SV2B: variants seen among roughly 807,000 people sequenced by gnomAD.
The protein encoded by SV2B is synaptic vesicle glycoprotein 2B.
In SV2B, 41 loss-of-function variants were observed where a neutral mutation model predicts 73.9. That is an observed-to-expected ratio of 0.56 (90% CI 0.43 to 0.72). SV2B has a LOEUF of 0.72. SV2B is among the 30% of genes least tolerant of loss of function. The pLI, the probability that SV2B is intolerant of heterozygous loss-of-function variation, is 0.00. For missense variants in SV2B, 764 were observed against 857.8 expected (o/e 0.89, Z 1.37); for synonymous variants, 314 against 314.2 (o/e 1.00, Z 0.01).
intron 1 of SV2B, among the ~76,000 whole-genome samples, chr15:91,202,930 T>TACC (rs1474651520): frequency 1.3e-5 from 2 of 152,124 alleles, no homozygotes; most frequent in Non-Finnish European, 2.9e-5. Flanking sequence ...AAGGACTGAC[T>TACC]ACCACTCACA....
Position 91,268,416 on chromosome 15 carries a change from C to T in SV2B, c.1209-25C>T. 1 of 1,597,626 alleles carries T rather than the reference C, an allele frequency of 6.3e-7. No individual in the cohort carries two copies. The highest frequency in any genetic ancestry group is 1.1e-5 in the South Asian group (1 of 89,574). ...GAAAGAATGAATCCTGTTGTTGTTG[C>T]AACCTTCTGCCTTCTCCACTCCAGT... is the stretch of plus-strand genomic sequence containing the variant. On this transcript the variant is annotated intron_variant, in intron 8 of 12. Coordinates refer to ENST00000394232, the MANE Select transcript of SV2B (RefSeq NM_001323032.3). The surrounding 1 kb of genome is among the most constrained non-coding windows in gnomAD (Gnocchi z 4.4).
rs534240734 is a variant in SV2B at position 91,148,169 on chromosome 15, C to T, written c.-392+47806C>T. 1.4e-4 allele frequency among the ~76,000 whole-genome samples: 21 copies of T among 151,460 alleles called. No homozygotes were observed. In the South Asian group the frequency reaches 4.0e-3, roughly 29 times the overall value. On this transcript the variant is annotated intron_variant, in intron 1 of 12. Coordinates refer to ENST00000394232, the MANE Select transcript of SV2B (RefSeq NM_001323032.3). Reference sequence around the variant, plus strand: ...CTAATTTTTGTATTTTTAGTAGAGACGGGGTTTCACCATGTTGGTCAGGCT... The same window carrying T: ...CTAATTTTTGTATTTTTAGTAGAGATGGGGTTTCACCATGTTGGTCAGGCT...
At chr15:91,216,524 G>C (rs925698409) in intron 1 of SV2B, among the ~76,000 whole-genome samples, 2 of 151,190 alleles carry the variant, frequency 1.3e-5, no homozygotes, top group Non-Finnish European at 2.9e-5. Flanking sequence ...CCAGGCTGGA[G>C]TGCAATGGTG....
Position 91,267,423 on chromosome 15 carries a change from G to A in SV2B, c.1120-132G>A, listed in dbSNP as rs2048143593. On this transcript the variant is annotated intron_variant, in intron 7 of 12. Transcript: ENST00000394232. The surrounding 1 kb of genome is among the most constrained non-coding windows in gnomAD (Gnocchi z 4.3). ...TTGGACAGTTTTGCTGCCTCTAGGA[G>A]ACAGTGGGGTACCGGTTCTCTCCAT... 1.4e-6 allele frequency: 1 copy of A among 725,076 alleles called. No homozygotes were observed. 44.9% of individuals were successfully genotyped at this position (725,076 alleles called of 1,614,324 possible). A position where few individuals can be genotyped will look rare whatever the true frequency, so the allele number is the denominator to read the frequency against.
chr15:91,188,716 A>T (rs111735608), intron 1 of SV2B, among the ~76,000 whole-genome samples: 1 of 152,124 alleles, frequency 6.6e-6, no homozygotes, highest in Non-Finnish European at 1.5e-5. Flanking sequence ...TCTTATTTTT[A>T]TGCCCCATCA....
intron 1 of SV2B, among the ~76,000 whole-genome samples, chr15:91,148,059 C>A (rs559003758): frequency 8.1e-5 from 11 of 135,664 alleles, no homozygotes; most frequent in Non-Finnish European, 1.4e-4. Flanking sequence ...CGGCTCACTG[C>A]AACTTCCGCC....
In SV2B at chr15:91,105,998, C is replaced by G. The variant is rs185984233; in HGVS notation, c.-392+5635C>G. On this transcript the variant is annotated intron_variant, in intron 1 of 12. Coordinates refer to ENST00000394232, the MANE Select transcript of SV2B (RefSeq NM_001323032.3). This position sits in a 1 kb window ranked among gnomAD's most constrained non-coding sequence, Gnocchi z 5.5. ...TGGGGAGGTCGAGGCTGCAGTGAGT[C>G]ACGATAATGCCATTGTACTCCAGCC... Among the ~76,000 whole-genome samples, 5 of 152,102 alleles carry G rather than the reference C, an allele frequency of 3.3e-5. No individual in the cohort carries two copies. Among genetic ancestry groups the G allele is most frequent in the Non-Finnish European group, 5.9e-5 (4 of 68,000 alleles).
chr15:91,293,042 A>G lies in SV2B; in HGVS notation c.*490A>G, dbSNP rs1254325306. 6.6e-6 allele frequency: 1 copy of G among 152,646 alleles called. No individual in the cohort carries two copies. The highest frequency in any genetic ancestry group is 6.5e-5 in the Admixed American group (1 of 15,314). The allele number at this position is 152,646 out of a possible 1,614,324, so 9.5% of individuals were successfully genotyped here. On this transcript the variant is annotated 3_prime_UTR_variant, in exon 13 of 13. Coordinates refer to ENST00000394232, the MANE Select transcript of SV2B (RefSeq NM_001323032.3). ...ATTTTTGCATTTAAAAGTATCACCTATCATATTTTCCACTCGAAAATTGAC... is the reference window on the plus strand; with the variant it reads ...ATTTTTGCATTTAAAAGTATCACCTGTCATATTTTCCACTCGAAAATTGAC...
chr15:91,177,914 A>C, intron 1 of SV2B, among the ~76,000 whole-genome samples: 10 of 141,674 alleles, frequency 7.1e-5, no homozygotes, highest in South Asian at 2.2e-4. Flanking sequence ...CCCTGGCCAG[A>C]ACTTCCAACA....
chr15:91,116,136 C>T (rs1567264192), intron 1 of SV2B, among the ~76,000 whole-genome samples: 1 of 152,150 alleles, frequency 6.6e-6, no homozygotes, highest in Admixed American at 6.5e-5. Context: ...TTATGAAGAA[C>T]ATTTTGCTAA....
chr15:91,271,477 T>C (rs1367935152), intron 9 of SV2B, among the ~76,000 whole-genome samples: 1 of 152,212 alleles, frequency 6.6e-6, no homozygotes, highest in African/African-American at 2.4e-5. Context: ...CATGTTTCTA[T>C]GCTTCAAATG....
intron 1 of SV2B, among the ~76,000 whole-genome samples, chr15:91,199,220 T>C (rs2045373206): frequency 6.6e-6 from 1 of 152,082 alleles, no homozygotes; most frequent in Non-Finnish European, 1.5e-5. Flanking sequence ...CAATAAGTCT[T>C]AGGGGAAGAA....
chr15:91,118,732 A>G lies in SV2B; in HGVS notation c.-392+18369A>G, dbSNP rs889026036. Among the ~76,000 whole-genome samples the G allele has an allele frequency of 9.9e-5, 15 of 152,154 alleles. No individual in the cohort carries two copies. Among genetic ancestry groups the G allele is most frequent in the Non-Finnish European group, 1.9e-4 (13 of 68,012 alleles). ...CACCACATCAGACAGCCCAGTCCAA[A>G]CCAGAGCCATGCCAGGGAGGGACAT... On this transcript the variant is annotated intron_variant, in intron 1 of 12. Coordinates refer to ENST00000394232, the MANE Select transcript of SV2B (RefSeq NM_001323032.3). This position sits in a 1 kb window ranked among gnomAD's most constrained non-coding sequence, Gnocchi z 4.7.
rs147982678 is a variant in SV2B, at chr15:91,244,441, G to A, written c.452-7378G>A. Among the ~76,000 whole-genome samples, 6 of 152,244 alleles carry A rather than the reference G, an allele frequency of 3.9e-5. No homozygotes were observed. In the East Asian group the frequency reaches 9.7e-4, roughly 25 times the overall value. ...GGACCCATAAAAGACTAGAAAAGTC[G>A]AACATGGTGATTCTAGATTGGTTTC... is the stretch of plus-strand genomic sequence containing the variant. On this transcript the variant is annotated intron_variant, in intron 2 of 12. Coordinates refer to ENST00000394232, the MANE Select transcript of SV2B (RefSeq NM_001323032.3).
At chr15:91,172,134 G>A (rs2044142810) in intron 1 of SV2B, among the ~76,000 whole-genome samples, 2 of 152,184 alleles carry the variant, frequency 1.3e-5, no homozygotes, top group South Asian at 4.1e-4. Context: ...CAGTAGAGGA[G>A]AAAAGCCTGA....
chr15:91,284,200 A>G lies in SV2B; in HGVS notation c.1687A>G (p.Ile563Val). Residue 563 changes from isoleucine to valine, a missense_variant, in exon 11 of 13, where the codon ATT (isoleucine) becomes GTT (valine). Transcript: ENST00000394232. This position sits in a 1 kb window ranked among gnomAD's most constrained non-coding sequence, Gnocchi z 4.5. The part of the protein sequence containing the change: ...NIISALLMDR[I>V]GRLKMIGGSM... ...CATTTCTGCCCTGCTCATGGATAGAATTGGAAGGCTCAAGATGATTGGTGA... is the reference window on the plus strand; with the variant it reads ...CATTTCTGCCCTGCTCATGGATAGAGTTGGAAGGCTCAAGATGATTGGTGA... 1 of 1,614,190 alleles carries G rather than the reference A, an allele frequency of 6.2e-7. No individual in the cohort carries two copies. The highest frequency in any genetic ancestry group is 1.1e-5 in the South Asian group (1 of 91,070).
At chr15:91,287,688 C>T (rs1479659685) in intron 11 of SV2B, among the ~76,000 whole-genome samples, 1 of 152,202 alleles carries the variant, frequency 6.6e-6, no homozygotes, top group African/African-American at 2.4e-5. Flanking sequence ...CGAGGCTAAC[C>T]TCATGGACTG....
At chr15:91,111,383 C>T (rs1474979049) in intron 1 of SV2B, among the ~76,000 whole-genome samples, 1 of 152,220 alleles carries the variant, frequency 6.6e-6, no homozygotes, top group East Asian at 1.9e-4. Context: ...GCCCCAGAGC[C>T]TGTCAGCTCA....
chr15:91,264,216 C>A (rs1305445512), intron 6 of SV2B, among the ~76,000 whole-genome samples: 1 of 152,272 alleles, frequency 6.6e-6, no homozygotes, highest in Non-Finnish European at 1.5e-5. Context: ...ACCAACCAAA[C>A]AGGCCCCACT....
Sources: gnomAD v4.1 joint callset for allele counts (sites outside exome capture counted in the v4.1 genomes callset) on GRCh38, gnomAD v4.1.1 for gene constraint, Gnocchi (gnomAD v3.1) non-coding constraint, MANE v1.5 for transcripts, NCBI Gene and HGNC (gene_info 2026-07-23, HGNC 2026-07-21) for gene names.